The following RSRC1 variants were observed in gnomAD, a reference collection of about 807,000 sequenced individuals.
The protein encoded by RSRC1 is arginine and serine rich coiled-coil 1.
RSRC1 carries 39 observed loss-of-function variants against 49.1 expected under a neutral mutation model. The ratio of observed to expected loss-of-function variants is 0.79; its 90% CI spans 0.61 to 1.04. RSRC1 has a LOEUF of 1.04. Ranked by LOEUF, RSRC1 falls within the 50% of genes least tolerant of loss-of-function variation. RSRC1 has a pLI of 0.00. For synonymous variants in RSRC1, 143 were observed against 130.8 expected (o/e 1.09, Z -0.63); for missense variants, 388 against 402.4 (o/e 0.96, Z 0.31).
At chr3:158,532,000 ATC>A (rs1712427164) in intron 7 of RSRC1, among the ~76,000 whole-genome samples, 1 of 151,644 alleles carries the variant, frequency 6.6e-6, no homozygotes, top group Non-Finnish European at 1.5e-5. Context: ...GTTTTTTATT[ATC>A]TGTCTTGTAA....
intron 4 of RSRC1, 89 bp from the exon 5 acceptor site, chr3:158,297,950 A>G: frequency 1.1e-6 from 1 of 913,864 alleles, no homozygotes. Flanking sequence ...TGAAAAAATT[A>G]CAAGGGTTTA....
In RSRC1 at chr3:158,460,922, GT is replaced by G; in HGVS notation, c.584-8del. On this transcript the variant is annotated splice_polypyrimidine_tract_variant and intron_variant, in intron 6 of 9. Transcript: ENST00000611884. ...ATAAAATAAGTACAAAAATTGTATT[GT>G]TTTTGTTTCAGCAAAAGCTGATGAA... 1.3e-6 allele frequency: 2 copies of G among 1,565,272 alleles called. No homozygotes were observed. Among genetic ancestry groups the G allele is most frequent in the Non-Finnish European group, 8.7e-7 (1 of 1,149,204 alleles).
intron 7 of RSRC1, among the ~76,000 whole-genome samples, chr3:158,474,457 C>G (rs946365685): frequency 6.6e-6 from 1 of 152,158 alleles, no homozygotes; most frequent in Admixed American, 6.6e-5. Context: ...TTGATGGGTG[C>G]TCACTGATCA....
intron 5 of RSRC1, among the ~76,000 whole-genome samples, chr3:158,325,361 G>A (rs553498772): frequency 4.6e-5 from 7 of 152,260 alleles, no homozygotes; most frequent in Admixed American, 4.6e-4. Context: ...TATGGTTTTA[G>A]GTCTAAGATT....
chr3:158,225,392 A>G (rs1261650945), intron 4 of RSRC1, among the ~76,000 whole-genome samples: 1 of 151,886 alleles, frequency 6.6e-6, no homozygotes, highest in Non-Finnish European at 1.5e-5. Context: ...CAGTAAATAC[A>G]AGGAATTTTC....
intron 3 of RSRC1, among the ~76,000 whole-genome samples, chr3:158,186,835 T>C (rs969868758): frequency 1.6e-4 from 24 of 151,926 alleles, no homozygotes; most frequent in African/African-American, 5.6e-4. Flanking sequence ...TTCTTAAAAA[T>C]GGGGAGACCA....
intron 5 of RSRC1, among the ~76,000 whole-genome samples, chr3:158,328,345 T>G (rs1729304378): frequency 6.6e-6 from 1 of 152,240 alleles, no homozygotes; most frequent in Non-Finnish European, 1.5e-5. Flanking sequence ...CTTTACAATT[T>G]GGCATGTTTT....
At chr3:158,264,557 C>T (rs970462434) in intron 4 of RSRC1, among the ~76,000 whole-genome samples, 2 of 152,166 alleles carry the variant, frequency 1.3e-5, no homozygotes, top group African/African-American at 4.8e-5. Flanking sequence ...TCTACTATGT[C>T]CTTTCTGATT....
At chr3:158,186,791 T>C (rs997690916) in intron 3 of RSRC1, among the ~76,000 whole-genome samples, 1 of 151,948 alleles carries the variant, frequency 6.6e-6, no homozygotes, top group African/African-American at 2.4e-5. Context: ...TTTGCTTTTT[T>C]TCCCCTTCTT....
intron 4 of RSRC1, among the ~76,000 whole-genome samples, chr3:158,206,489 A>C (rs1721349781): frequency 1.3e-5 from 2 of 152,138 alleles, no homozygotes; most frequent in Admixed American, 1.3e-4. Context: ...AGAGATGATT[A>C]TGAGAGGGCT....
chr3:158,503,804 T>C (rs1739724119), intron 7 of RSRC1, among the ~76,000 whole-genome samples: 1 of 152,092 alleles, frequency 6.6e-6, no homozygotes, highest in Admixed American at 6.5e-5. Flanking sequence ...TGCCCCAGAC[T>C]ACCCGTCTCC....
rs987412168 is a variant in RSRC1 at position 158,297,344 on chromosome 3, C to T, written c.495-695C>T. On this transcript the variant is annotated intron_variant, in intron 4 of 9. Transcript: ENST00000611884. ...TGTACAGATACTTGTATTTTCAGTT[C>T]CATAAGCAGTCTCTTCTACAGTAAA... Among the ~76,000 whole-genome samples, 96 of 151,798 alleles carry T rather than the reference C, an allele frequency of 6.3e-4. 2 individuals carry two copies. Among genetic ancestry groups the T allele is most frequent in the Admixed American group, 1.1e-3 (16 of 15,218 alleles).
chr3:158,333,393 C>A (rs529574873), intron 5 of RSRC1, among the ~76,000 whole-genome samples: 4 of 152,218 alleles, frequency 2.6e-5, no homozygotes, highest in South Asian at 4.2e-4. Context: ...ATGAAACATG[C>A]CCTCTATGCA....
chr3:158,245,099 G>A (rs573223614), intron 4 of RSRC1, among the ~76,000 whole-genome samples: 11 of 122,434 alleles, frequency 9.0e-5, no homozygotes, highest in African/African-American at 2.9e-4. Flanking sequence ...TTTTCTCTTG[G>A]TCCTCTAGTT....
At chr3:158,339,125 T>C (rs111433463) in intron 5 of RSRC1, among the ~76,000 whole-genome samples, 1 of 151,830 alleles carries the variant, frequency 6.6e-6, no homozygotes, top group Non-Finnish European at 1.5e-5. Flanking sequence ...ACCCCGTCTC[T>C]ACTAAAAATA....
chr3:158,212,712 T>C (rs1225566272), intron 4 of RSRC1, among the ~76,000 whole-genome samples: 1 of 151,934 alleles, frequency 6.6e-6, no homozygotes, highest in Non-Finnish European at 1.5e-5. Context: ...CTAGAGAGTC[T>C]GCACTACTGT....
intron 8 of RSRC1, among the ~76,000 whole-genome samples, chr3:158,541,989 T>A (rs1393239751): frequency 6.6e-6 from 1 of 152,132 alleles, no homozygotes; most frequent in East Asian, 1.9e-4. Context: ...GTGGAATAAA[T>A]TGGGAGTCTA....
At chr3:158,313,237 T>C (rs904067404) in intron 5 of RSRC1, among the ~76,000 whole-genome samples, 16 of 152,170 alleles carry the variant, frequency 1.1e-4, no homozygotes, top group African/African-American at 3.4e-4. Flanking sequence ...CTTAACCATA[T>C]TATTGTGTAA....
Position 158,354,909 on chromosome 3 carries a change from G to A in RSRC1, c.583+1G>A, listed in dbSNP as rs1226620248. 1 of 1,547,606 alleles carries A rather than the reference G, an allele frequency of 6.5e-7. No individual in the cohort carries two copies. The highest frequency in any genetic ancestry group is 1.2e-5 in the South Asian group (1 of 80,600). The stretch of plus-strand genomic sequence containing the variant: ...CTACAGCTGGTTCTTGAAGCTGCTG[G>A]TAAGTGTTGATAATTAACTTTTATT... On this transcript the variant is annotated splice_donor_variant, in intron 6 of 9. Coordinates refer to ENST00000611884, the MANE Select transcript of RSRC1 (RefSeq NM_001271838.2). LOFTEE classifies it high-confidence loss of function.
Sources: gnomAD v4.1 joint callset for allele counts (sites outside exome capture counted in the v4.1 genomes callset) on GRCh38, gnomAD v4.1.1 for gene constraint, MANE v1.5 for transcripts, NCBI Gene and HGNC (gene_info 2026-07-23, HGNC 2026-07-21) for gene names.